Variants in SGMS1 observed in about 807,000 individuals in gnomAD.
SGMS1 encodes sphingomyelin synthase 1.
A neutral mutation model predicts 46.2 loss-of-function variants in SGMS1; 13 were observed. The observed-to-expected ratio is 0.28, with a 90% confidence interval of 0.18 to 0.45. The LOEUF is 0.45. Ranked by LOEUF, SGMS1 falls within the 20% of genes least tolerant of loss-of-function variation. The probability of loss-of-function intolerance (pLI) is 1.00; values close to 1 mark genes in which losing one functional copy is unlikely to be tolerated. For missense variants in SGMS1, 324 were observed against 519.9 expected (o/e 0.62, Z 3.66); for synonymous variants, 203 against 187.8 (o/e 1.08, Z -0.66).
At chr10:50,475,983 G>GCT (rs1472893098) in intron 3 of SGMS1, among the ~76,000 whole-genome samples, 1 of 150,518 alleles carries the variant, frequency 6.6e-6, no homozygotes, top group African/African-American at 2.4e-5. Flanking sequence ...GGGTGCAGTG[G>GCT]CTCACACCTT....
At chr10:50,578,329 A>T (rs1351283986) in intron 2 of SGMS1, among the ~76,000 whole-genome samples, 1 of 152,204 alleles carries the variant, frequency 6.6e-6, no homozygotes, top group Non-Finnish European at 1.5e-5. Context: ...AAATGGCATT[A>T]AAACCTATTA....
intron 3 of SGMS1, among the ~76,000 whole-genome samples, chr10:50,510,622 C>CT (rs1837745330): frequency 8.7e-6 from 1 of 114,454 alleles, no homozygotes. Context: ...TTTTTTTTTA[C>CT]TTTTGATTTT....
At chr10:50,454,773 A>G (rs1442542416) in intron 5 of SGMS1, among the ~76,000 whole-genome samples, 1 of 152,198 alleles carries the variant, frequency 6.6e-6, no homozygotes. Context: ...AGAAAACACA[A>G]TTTTGATGGA....
At chr10:50,421,016 C>T (rs1849248369) in intron 6 of SGMS1, among the ~76,000 whole-genome samples, 1 of 152,164 alleles carries the variant, frequency 6.6e-6, no homozygotes, top group Admixed American at 6.5e-5. Flanking sequence ...AATCCTTATG[C>T]TTCAGAAATA....
At chr10:50,538,474 A>G (rs200787286) in intron 2 of SGMS1, among the ~76,000 whole-genome samples, 3,007 of 151,694 alleles carry the variant, frequency 0.02, 118 homozygotes, top group African/African-American at 0.069. Flanking sequence ...AAAAAAAAAA[A>G]AAAGAGATAG....
At chr10:50,308,622 G>C (rs570102657) in intron 9 of SGMS1, among the ~76,000 whole-genome samples, 2 of 152,116 alleles carry the variant, frequency 1.3e-5, no homozygotes, top group African/African-American at 4.8e-5. Context: ...TAATCTGAAA[G>C]TCTTTGAGAT....
At chr10:50,583,959 C>T (rs567837255) in intron 2 of SGMS1, among the ~76,000 whole-genome samples, 1 of 152,286 alleles carries the variant, frequency 6.6e-6, no homozygotes, top group South Asian at 2.1e-4. Context: ...TGCCACAGAA[C>T]AAGGAATCTG....
At chr10:50,555,346 A>G (rs558018788) in intron 2 of SGMS1, among the ~76,000 whole-genome samples, 4 of 152,330 alleles carry the variant, frequency 2.6e-5, no homozygotes, top group Non-Finnish European at 5.9e-5. Context: ...TCCAAAATAC[A>G]TCTGGATTGG....
At chr10:50,588,721 ATTTTTTT>A (rs71029314) in intron 2 of SGMS1, among the ~76,000 whole-genome samples, 32 of 92,216 alleles carry the variant, frequency 3.5e-4, no homozygotes, top group African/African-American at 7.8e-4. Context: ...GACTGATCTA[ATTTTTTT>A]TTTTTTTTTT....
chr10:50,534,750 T>A lies in SGMS1; in HGVS notation c.-588-14829A>T, dbSNP rs375387197. Among the ~76,000 whole-genome samples the A allele has an allele frequency of 6.2e-4, 95 of 152,230 alleles. No homozygotes were observed. The East Asian group carries it at 0.012, about 19-fold the overall frequency. Reference sequence around the variant, plus strand: ...AAATGAGGACAGCAGGATGCAAAAATAGTCTTAAAAATATAAAATATATAC... The same window carrying A: ...AAATGAGGACAGCAGGATGCAAAAAAAGTCTTAAAAATATAAAATATATAC... On this transcript the variant is annotated intron_variant, in intron 2 of 10. Coordinates refer to ENST00000361781, the MANE Select transcript of SGMS1 (RefSeq NM_147156.4).
chr10:50,600,087 T>C (rs1485731727), intron 1 of SGMS1, among the ~76,000 whole-genome samples: 2 of 152,180 alleles, frequency 1.3e-5, no homozygotes, highest in Non-Finnish European at 2.9e-5. Flanking sequence ...CTCTGAGCAC[T>C]TAACCAGAAC....
intron 8 of SGMS1, among the ~76,000 whole-genome samples, chr10:50,325,450 A>G (rs542388263): frequency 1.3e-5 from 2 of 152,352 alleles, no homozygotes; most frequent in South Asian, 4.1e-4. Context: ...TGAGGGCCCT[A>G]GTTGGGATTT....
chr10:50,587,639 G>A (rs1004935374), intron 2 of SGMS1, among the ~76,000 whole-genome samples: 10 of 139,850 alleles, frequency 7.2e-5, no homozygotes, highest in South Asian at 4.3e-4. Flanking sequence ...ATATATGTGT[G>A]TGTGTGTGTG....
At chr10:50,447,572 C>G (rs576658340) in intron 5 of SGMS1, among the ~76,000 whole-genome samples, 2 of 152,156 alleles carry the variant, frequency 1.3e-5, no homozygotes, top group East Asian at 3.9e-4. Flanking sequence ...TCAATGTAAA[C>G]ATATTTCTTA....
In SGMS1 at chr10:50,518,660, C is replaced by T. The variant is rs184027868; in HGVS notation, c.-498+1171G>A. Among the ~76,000 whole-genome samples the T allele has an allele frequency of 4.9e-4, 75 of 152,270 alleles. No individual in the cohort carries two copies. The East Asian group carries it at 0.012, about 25-fold the overall frequency. On this transcript the variant is annotated intron_variant, in intron 3 of 10. Transcript: ENST00000361781. ...TCTAGAACTCCTGACCTTAGGTGAT[C>T]TGCCTGCCTCAGCCTCCCAAAGTTC...
intron 6 of SGMS1, among the ~76,000 whole-genome samples, chr10:50,411,100 C>T (rs143759163): frequency 2.6e-5 from 4 of 152,220 alleles, no homozygotes; most frequent in Non-Finnish European, 4.4e-5. Context: ...ATGGCATATA[C>T]ACCATACTCG....
chr10:50,582,618 T>C (rs1838445236), intron 2 of SGMS1, among the ~76,000 whole-genome samples: 1 of 152,218 alleles, frequency 6.6e-6, no homozygotes, highest in South Asian at 2.1e-4. Flanking sequence ...TGGATATGGC[T>C]GATTGTCCCA....
intron 6 of SGMS1, among the ~76,000 whole-genome samples, chr10:50,351,825 C>T (rs1848023581): frequency 6.6e-6 from 1 of 152,142 alleles, no homozygotes; most frequent in Non-Finnish European, 1.5e-5. Context: ...CCTACCTTCA[C>T]ACAGGCTGCT....
At chr10:50,313,382 T>TA (rs898822335) in intron 8 of SGMS1, among the ~76,000 whole-genome samples, 10 of 151,900 alleles carry the variant, frequency 6.6e-5, no homozygotes, top group Admixed American at 2.6e-4. Flanking sequence ...TTAAAAAATC[T>TA]AAAAAAAAGA....
Sources: allele counts gnomAD v4.1 joint callset (sites outside exome capture counted in the v4.1 genomes callset), GRCh38; gene constraint gnomAD v4.1.1; transcripts MANE v1.5; gene names NCBI Gene and HGNC (gene_info 2026-07-23, HGNC 2026-07-21).